Variants in FAT3 observed in about 807,000 individuals in gnomAD.
FAT3 encodes protocadherin Fat 3.
A neutral mutation model predicts 310.2 loss-of-function variants in FAT3; 95 were observed. The observed-to-expected ratio is 0.31, with a 90% CI of 0.26 to 0.36. FAT3 has a LOEUF of 0.36. Among genes scored for constraint, FAT3 ranks in the 10% least tolerant of loss-of-function variants. FAT3 has a pLI of 1.00. For synonymous variants in FAT3, 2,314 were observed against 2,192.9 expected (o/e 1.06, Z -1.54); for missense variants, 5,408 against 5,715.6 (o/e 0.95, Z 1.74).
At chr11:92,814,213 A>G (rs1378369736) in intron 13 of FAT3, among the ~76,000 whole-genome samples, 1 of 152,258 alleles carries the variant, frequency 6.6e-6, no homozygotes, top group African/African-American at 2.4e-5. Flanking sequence ...TAAGACAGCC[A>G]GCGATTGACT....
At chr11:92,524,179 A>G (rs1272836597) in intron 2 of FAT3, among the ~76,000 whole-genome samples, 3 of 152,218 alleles carry the variant, frequency 2.0e-5, no homozygotes, top group Admixed American at 6.5e-5. Context: ...AAATGAACAG[A>G]TAAAATAATT....
intron 13 of FAT3, among the ~76,000 whole-genome samples, chr11:92,819,467 G>C (rs1055306047): frequency 6.6e-5 from 10 of 152,188 alleles, no homozygotes; most frequent in African/African-American, 2.4e-4. Flanking sequence ...GTTCCCAGGT[G>C]ATGTTGATGC....
intron 4 of FAT3, among the ~76,000 whole-genome samples, chr11:92,758,642 G>T (rs1946064774): frequency 1.3e-5 from 2 of 152,198 alleles, no homozygotes; most frequent in Non-Finnish European, 2.9e-5. Flanking sequence ...TCAGCGACAT[G>T]ATCAGATTTT....
At position 92,299,953 on chromosome 11, in the gene FAT3, G is replaced by A. The variant is rs115764671; in HGVS notation, c.-17-52143G>A. ...GGGCACATTCTGACTTTCACAAACTGACATTAACCTTTCTTTTTCCTCCTC... is the reference window on the plus strand; with the variant it reads ...GGGCACATTCTGACTTTCACAAACTAACATTAACCTTTCTTTTTCCTCCTC... On this transcript the variant is annotated intron_variant, in intron 1 of 27. Coordinates refer to ENST00000525166, the MANE Select transcript of FAT3 (RefSeq NM_001367949.2). Among the ~76,000 whole-genome samples, 686 of 152,190 alleles carry A rather than the reference G, an allele frequency of 4.5e-3. 1 individual carries two copies. Among genetic ancestry groups the A allele is most frequent in the African/African-American group, 0.015 (641 of 41,538 alleles).
At chr11:92,746,032 A>C (rs1945655692) in intron 4 of FAT3, among the ~76,000 whole-genome samples, 1 of 152,240 alleles carries the variant, frequency 6.6e-6, no homozygotes, top group Non-Finnish European at 1.5e-5. Context: ...ACTGGCCCCA[A>C]GGCCTAGGTT....
intron 2 of FAT3, among the ~76,000 whole-genome samples, chr11:92,379,643 G>A (rs369591369): frequency 1.3e-5 from 2 of 152,180 alleles, no homozygotes; most frequent in African/African-American, 4.8e-5. Flanking sequence ...ACCAATATTT[G>A]TGGGTTATCT....
intron 4 of FAT3, among the ~76,000 whole-genome samples, chr11:92,707,964 C>T (rs960939919): frequency 1.3e-5 from 2 of 152,234 alleles, no homozygotes; most frequent in African/African-American, 4.8e-5. Flanking sequence ...TTCCTGCCTG[C>T]AGCAGACAGC....
chr11:92,326,119 T>C (rs960762916), intron 1 of FAT3, among the ~76,000 whole-genome samples: 5 of 152,218 alleles, frequency 3.3e-5, no homozygotes, highest in African/African-American at 1.2e-4. Flanking sequence ...GGCTCCATCA[T>C]ATACTAGCTA....
chr11:92,806,223 T>G, intron 11 of FAT3, 139 bp from the exon 12 acceptor site: 1 of 706,406 alleles, frequency 1.4e-6, no homozygotes. Flanking sequence ...TATTGAAATA[T>G]GTTTCTGTAG....
Position 92,844,424 on chromosome 11 carries a change from G to A in FAT3, c.11057G>A (p.Arg3686His), listed in dbSNP as rs138237129. The A allele has an allele frequency of 9.9e-4, 1,597 of 1,613,966 alleles. 7 individuals are homozygous for A. The highest frequency in any genetic ancestry group is 6.3e-3 in the Middle Eastern group (38 of 6,062). Residue 3686 changes from arginine (R) to histidine (H), a missense_variant, in exon 19 of 28, where the codon CGC becomes CAC. This residue lies in a region of FAT3 where 4,588 missense variants were observed against 4,809.8 expected (regional missense o/e 0.95). Transcript: ENST00000525166. ...CTCACCCAGAAGCAGGACAGCCTGC[G>A]CATCATCAGCATCCAGCCCGTGGCA... ...AVLTQKQDSL[R>H]IISIQPVAGT...
intron 2 of FAT3, among the ~76,000 whole-genome samples, chr11:92,462,552 C>A (rs1427541024): frequency 6.6e-6 from 1 of 152,010 alleles, no homozygotes; most frequent in African/African-American, 2.4e-5. Context: ...GAAGGTAAAA[C>A]CAAAGTGAGA....
chr11:92,819,277 C>T (rs984488415), intron 13 of FAT3, among the ~76,000 whole-genome samples: 3 of 152,146 alleles, frequency 2.0e-5, no homozygotes, highest in African/African-American at 7.2e-5. Context: ...CTCAGTATCA[C>T]CTGGGAGCTT....
Position 92,543,136 on chromosome 11 carries a change from G to A in FAT3, c.3607+18188G>A, listed in dbSNP as rs572355192. 2.0e-5 allele frequency among the ~76,000 whole-genome samples: 3 copies of A among 152,214 alleles called. No homozygotes were observed. In the South Asian group the frequency reaches 6.2e-4, roughly 32 times the overall value. On this transcript the variant is annotated intron_variant, in intron 3 of 27. Coordinates refer to ENST00000525166, the MANE Select transcript of FAT3 (RefSeq NM_001367949.2). ...TGAATCTAAAAAAGTTGATCCCATA[G>A]AAATAGAGAGTAGAATAGTGGTTGC...
At chr11:92,634,122 G>A (rs1941670095) in intron 3 of FAT3, among the ~76,000 whole-genome samples, 2 of 152,310 alleles carry the variant, frequency 1.3e-5, no homozygotes, top group South Asian at 4.1e-4. Flanking sequence ...CCTACACAGA[G>A]ATTCAGAAAT....
intron 3 of FAT3, among the ~76,000 whole-genome samples, chr11:92,689,222 ATACTACAATG>A (rs1484136390): frequency 6.6e-6 from 1 of 152,214 alleles, no homozygotes; most frequent in Non-Finnish European, 1.5e-5. Flanking sequence ...GCTAGCCAGT[ATACTACAATG>A]CTTCCTGGAC....
At chr11:92,611,683 T>C (rs1283487316) in intron 3 of FAT3, among the ~76,000 whole-genome samples, 3 of 152,184 alleles carry the variant, frequency 2.0e-5, no homozygotes, top group African/African-American at 7.2e-5. Flanking sequence ...CATGAACCAC[T>C]GTACCCTGGC....
At chr11:92,323,047 A>G (rs1947665261) in intron 1 of FAT3, among the ~76,000 whole-genome samples, 1 of 152,204 alleles carries the variant, frequency 6.6e-6, no homozygotes, top group Admixed American at 6.5e-5. Context: ...AACTATAGCC[A>G]TTTGAAATGA....
intron 3 of FAT3, among the ~76,000 whole-genome samples, chr11:92,622,683 G>A (rs939300572): frequency 1.3e-5 from 2 of 152,198 alleles, no homozygotes; most frequent in African/African-American, 4.8e-5. Context: ...TTAGGAAGAA[G>A]TAGTGGAAAA....
chr11:92,668,294 A>G (rs1943020118), intron 3 of FAT3, among the ~76,000 whole-genome samples: 1 of 152,204 alleles, frequency 6.6e-6, no homozygotes, highest in Non-Finnish European at 1.5e-5. Context: ...CCTTTTTGCA[A>G]ATACACATCT....
Sources: allele counts gnomAD v4.1 joint callset (sites outside exome capture counted in the v4.1 genomes callset), GRCh38; gene constraint gnomAD v4.1.1; regional missense constraint gnomAD v4.1.1; transcripts MANE v1.5; gene names NCBI Gene and HGNC (gene_info 2026-07-23, HGNC 2026-07-21).